The following VPS13B variants were observed in gnomAD, a reference collection of about 807,000 sequenced individuals.
VPS13B encodes the protein intermembrane lipid transfer protein VPS13B.
Under a neutral mutation model 426.4 loss-of-function variants are expected in VPS13B, and 285 were observed. The observed-to-expected ratio is 0.67, with a 90% CI of 0.61 to 0.74. VPS13B has a LOEUF of 0.74. Among genes scored for constraint, VPS13B ranks in the 30% least tolerant of loss-of-function variants. The pLI, the probability that VPS13B is intolerant of heterozygous loss-of-function variation, is 0.00. For missense variants in VPS13B, 4,537 were observed against 4,782.6 expected (o/e 0.95, Z 1.51); for synonymous variants, 1,676 against 1,676.4 (o/e 1.00, Z 0.01).
intron 7 of VPS13B, 112 bp downstream of exon 7, chr8:99,115,986 A>T (rs1847636404): frequency 9.1e-7 from 1 of 1,099,562 alleles, no homozygotes; most frequent in African/African-American, 1.6e-5. Flanking sequence ...TTCTAATGAG[A>T]TGGGCTGATT....
chr8:99,299,242 T>C (rs981806508), intron 19 of VPS13B, among the ~76,000 whole-genome samples: 1 of 151,806 alleles, frequency 6.6e-6, no homozygotes, highest in Non-Finnish European at 1.5e-5. Flanking sequence ...TTTGTATTTT[T>C]AGTAGAGACG....
chr8:99,386,692 T>A (rs1487423025), intron 20 of VPS13B, among the ~76,000 whole-genome samples: 1 of 152,196 alleles, frequency 6.6e-6, no homozygotes, highest in Non-Finnish European at 1.5e-5. Flanking sequence ...AATAATGGCT[T>A]TATTTAGAAG....
chr8:99,154,255 T>G (rs1407933424), intron 14 of VPS13B, among the ~76,000 whole-genome samples: 1 of 152,072 alleles, frequency 6.6e-6, no homozygotes. Flanking sequence ...TCACAGTCAT[T>G]ATTGTTTCAG....
chr8:99,464,081 A>G (rs1360838403), intron 23 of VPS13B, among the ~76,000 whole-genome samples: 1 of 152,104 alleles, frequency 6.6e-6, no homozygotes, highest in Non-Finnish European at 1.5e-5. Flanking sequence ...TTTGTAGTAC[A>G]TCTTTCTCTC....
intron 19 of VPS13B, among the ~76,000 whole-genome samples, chr8:99,349,530 G>A (rs1811754762): frequency 6.6e-6 from 1 of 151,958 alleles, no homozygotes; most frequent in East Asian, 1.9e-4. Context: ...AAAAATACAT[G>A]ATGCCTGGTT....
At chr8:99,784,851 CATATGT>C (rs1812184122) in intron 43 of VPS13B, among the ~76,000 whole-genome samples, 1 of 152,138 alleles carries the variant, frequency 6.6e-6, no homozygotes, top group African/African-American at 2.4e-5. Flanking sequence ...TAAGTGAATT[CATATGT>C]ATAAGGCATT....
intron 34 of VPS13B, among the ~76,000 whole-genome samples, chr8:99,656,833 C>T (rs1830036039): frequency 6.6e-6 from 1 of 152,178 alleles, no homozygotes; most frequent in African/African-American, 2.4e-5. Context: ...ATGTTAATGA[C>T]TACAGGCATA....
rs3134184 is a variant in VPS13B, at chr8:99,417,700, G to A, written c.3083-13837G>A. 5.3e-5 allele frequency among the ~76,000 whole-genome samples: 8 copies of A among 152,092 alleles called. No homozygotes were observed. The East Asian group carries it at 1.5e-3, about 29-fold the overall frequency. On this transcript the variant is annotated intron_variant, in intron 21 of 61. Transcript: ENST00000357162. Reference sequence around the variant, plus strand: ...TTACTTTGCTATTTATAACAAGACAGTGTTAATCAGTGTGCTCACTCTTTC... The same window carrying A: ...TTACTTTGCTATTTATAACAAGACAATGTTAATCAGTGTGCTCACTCTTTC...
chr8:99,836,341 G>A (rs1039909473), intron 54 of VPS13B, among the ~76,000 whole-genome samples: 2 of 152,004 alleles, frequency 1.3e-5, no homozygotes, highest in Admixed American at 6.6e-5. Context: ...TTATAGTGTT[G>A]TATAACCATC....
intron 23 of VPS13B, among the ~76,000 whole-genome samples, chr8:99,452,555 T>A (rs1381066037): frequency 6.6e-6 from 1 of 152,118 alleles, no homozygotes. Flanking sequence ...TCGTGGTTGG[T>A]TACTCTAAGG....
At chr8:99,350,893 T>A (rs1811844965) in intron 19 of VPS13B, among the ~76,000 whole-genome samples, 1 of 151,784 alleles carries the variant, frequency 6.6e-6, no homozygotes. Context: ...AATCAGGAGA[T>A]TGTAATATGT....
intron 22 of VPS13B, among the ~76,000 whole-genome samples, chr8:99,440,666 G>T (rs1461910132): frequency 2.6e-5 from 4 of 151,954 alleles, no homozygotes; most frequent in Non-Finnish European, 5.9e-5. Flanking sequence ...TGTTGATTCT[G>T]TTTATGTTGC....
chr8:99,451,776 A>T lies in VPS13B; in HGVS notation c.3445+9141A>T, dbSNP rs556556383. ...TTTAATTCACTTATAGAATCCACTC[A>T]CAAAGAAGTATTAAAGAATGAAGTA... On this transcript the variant is annotated intron_variant, in intron 23 of 61. Transcript: ENST00000357162. 2.0e-5 allele frequency among the ~76,000 whole-genome samples: 3 copies of T among 152,250 alleles called. No individual in the cohort carries two copies. In the South Asian group the frequency reaches 6.2e-4, roughly 32 times the overall value.
chr8:99,202,222 A>G (rs887661553), intron 17 of VPS13B, among the ~76,000 whole-genome samples: 4 of 152,208 alleles, frequency 2.6e-5, no homozygotes, highest in African/African-American at 9.6e-5. Flanking sequence ...AGGATAATGA[A>G]TAGATATTGA....
chr8:99,413,414 T>A (rs535283423), intron 21 of VPS13B, among the ~76,000 whole-genome samples: 2 of 152,270 alleles, frequency 1.3e-5, no homozygotes, highest in East Asian at 3.9e-4. Context: ...CTCCCCTTTA[T>A]CATTTTTTAT....
intron 36 of VPS13B, among the ~76,000 whole-genome samples, chr8:99,703,803 A>C (rs1832385603): frequency 6.6e-6 from 1 of 152,038 alleles, no homozygotes; most frequent in Non-Finnish European, 1.5e-5. Flanking sequence ...CCCTTGTCTG[A>C]GTAAATTATG....
At chr8:99,499,420 G>A (rs1334087007) in intron 25 of VPS13B, among the ~76,000 whole-genome samples, 4 of 152,106 alleles carry the variant, frequency 2.6e-5, no homozygotes, top group South Asian at 2.1e-4. Flanking sequence ...TTAGTGATTC[G>A]AGATGTTATT....
At chr8:99,357,222 A>G (rs993653044) in intron 19 of VPS13B, among the ~76,000 whole-genome samples, 5 of 152,204 alleles carry the variant, frequency 3.3e-5, no homozygotes, top group African/African-American at 1.2e-4. Context: ...CTCTATCTCC[A>G]GAAAGATTCA....
chr8:99,112,987 T>A (rs10091639), intron 6 of VPS13B, among the ~76,000 whole-genome samples: 1 of 151,896 alleles, frequency 6.6e-6, no homozygotes, highest in African/African-American at 2.4e-5. Flanking sequence ...TTGGAGGTTT[T>A]ATTTCTTTCT....
Sources: gnomAD v4.1 joint callset for allele counts (sites outside exome capture counted in the v4.1 genomes callset) on GRCh38, gnomAD v4.1.1 for gene constraint, MANE v1.5 for transcripts, NCBI Gene and HGNC (gene_info 2026-07-23, HGNC 2026-07-21) for gene names.